Variants in MLLT1 observed in about 807,000 individuals in gnomAD.
MLLT1 encodes protein ENL.
Under a neutral mutation model 55.1 loss-of-function variants are expected in MLLT1, and 11 were observed. The ratio of observed to expected loss-of-function variants is 0.20; its 90% CI spans 0.13 to 0.33. The LOEUF (loss-of-function observed/expected upper bound fraction) is 0.33, where lower values mean the gene tolerates loss of function less well. Ranked by LOEUF, MLLT1 falls within the 10% of genes least tolerant of loss-of-function variation. The pLI is 1.00. For synonymous variants in MLLT1, 323 were observed against 320.1 expected, an observed-to-expected ratio of 1.01 and a Z score of -0.10; for missense variants, 536 against 760.6, an observed-to-expected ratio of 0.70 and a Z score of 3.47.
chr19:6,277,635 T>C (rs2091434334), intron 1 of MLLT1, among the ~76,000 whole-genome samples: 1 of 152,024 alleles, frequency 6.6e-6, no homozygotes, highest in Non-Finnish European at 1.5e-5. Context: ...ATTTCCACCA[T>C]CCCACTTACA....
In MLLT1 at chr19:6,235,174, G is replaced by A. The variant is rs187262187; in HGVS notation, c.277-4461C>T. ...CCACCTTTGGGTGGGTGACGGCTAC[G>A]AGGGGGTTTGTTGCATCTGCCTCTG... On this transcript the variant is annotated intron_variant, in intron 3 of 11. Transcript: ENST00000252674. This position sits in a 1 kb window ranked among gnomAD's most constrained non-coding sequence, Gnocchi z 5.5. Among the ~76,000 whole-genome samples, 8 of 152,338 alleles carry A rather than the reference G, an allele frequency of 5.3e-5. 1 individual carries two copies. In the East Asian group the frequency reaches 1.2e-3, roughly 22 times the overall value.
intron 6 of MLLT1, among the ~76,000 whole-genome samples, chr19:6,221,111 T>C (rs1422178516): frequency 2.0e-5 from 3 of 152,198 alleles, no homozygotes; most frequent in African/African-American, 7.2e-5. Flanking sequence ...TCGGGCTTTG[T>C]GGCTGGGACC....
At chr19:6,215,924 G>A (rs1412556099) in intron 8 of MLLT1, among the ~76,000 whole-genome samples, 1 of 152,048 alleles carries the variant, frequency 6.6e-6, no homozygotes, top group Admixed American at 6.5e-5. Context: ...GTGCCTCCTG[G>A]GGAAAAGGCC....
rs2090809014 is a variant in MLLT1 at position 6,213,920 on chromosome 19, C to T, written c.1407+19G>A. On this transcript the variant is annotated intron_variant, in intron 9 of 11. Coordinates refer to ENST00000252674, the MANE Select transcript of MLLT1 (RefSeq NM_005934.4). Reference sequence around the variant, plus strand: ...GCCCGGCCTCTGGTGCACCCCCTGCCTGCAGGCCCCAGGCTCACCTTGCTG... The same window carrying T: ...GCCCGGCCTCTGGTGCACCCCCTGCTTGCAGGCCCCAGGCTCACCTTGCTG... 1.4e-6 allele frequency: 2 copies of T among 1,471,444 alleles called. No individual in the cohort carries two copies. Among genetic ancestry groups the T allele is most frequent in the Non-Finnish European group, 1.8e-6 (2 of 1,097,528 alleles). The allele number at this position is 1,471,444 out of a possible 1,614,324, so 91.1% of individuals were successfully genotyped here.
In MLLT1 at chr19:6,212,899, A is replaced by C. The variant is rs1003683380; in HGVS notation, c.*143T>G. ...GAGAGTGGGCAGGGAGCCGCCGAGG[A>C]AAGTGCAGCGGGCTGTGCGGGCGAG... On this transcript the variant is annotated 3_prime_UTR_variant, in exon 12 of 12. Transcript: ENST00000252674. 8.7e-6 allele frequency: 10 copies of C among 1,147,716 alleles called. No individual in the cohort carries two copies. Among genetic ancestry groups the C allele is most frequent in the Middle Eastern group, 3.0e-4 (1 of 3,356 alleles). The allele number at this position is 1,147,716 out of a possible 1,614,324, so 71.1% of individuals were successfully genotyped here. A position where few individuals can be genotyped will look rare whatever the true frequency, so the allele number is the denominator to read the frequency against.
At chr19:6,261,469 C>T (rs886624503) in intron 3 of MLLT1, among the ~76,000 whole-genome samples, 12 of 152,078 alleles carry the variant, frequency 7.9e-5, no homozygotes, top group African/African-American at 2.9e-4. Context: ...CATCCACAGG[C>T]CTCCCAGGGA....
intron 3 of MLLT1, among the ~76,000 whole-genome samples, chr19:6,233,812 G>A (rs2091034839): frequency 6.6e-6 from 1 of 152,138 alleles, no homozygotes; most frequent in South Asian, 2.1e-4. Context: ...CCCCCGCCAA[G>A]TCCACACTTC....
At chr19:6,233,795 G>A (rs2091034444) in intron 3 of MLLT1, among the ~76,000 whole-genome samples, 1 of 152,090 alleles carries the variant, frequency 6.6e-6, no homozygotes, top group Admixed American at 6.5e-5. Context: ...ATCCCTAACC[G>A]ACACGCCCCC....
rs2090953143 is a variant in MLLT1, at chr19:6,226,009, C to T, written c.546+968G>A. Among the ~76,000 whole-genome samples the T allele has an allele frequency of 6.6e-6, 1 of 152,202 alleles. No homozygotes were observed. ...TACTCAGAGAATCTGGCAAGTCTGA[C>T]GATTTCTAAGACCTGCTGGCCTTGG... On this transcript the variant is annotated intron_variant, in intron 5 of 11. Transcript: ENST00000252674. This position sits in a 1 kb window ranked among gnomAD's most constrained non-coding sequence, Gnocchi z 6.3.
intron 3 of MLLT1, among the ~76,000 whole-genome samples, chr19:6,242,745 G>A (rs2091127531): frequency 6.6e-6 from 1 of 152,138 alleles, no homozygotes; most frequent in Admixed American, 6.5e-5. Flanking sequence ...CCCTTTCCTG[G>A]TGCTGTTGGT....
intron 2 of MLLT1, among the ~76,000 whole-genome samples, chr19:6,267,177 C>T (rs984998001): frequency 3.9e-5 from 6 of 152,134 alleles, no homozygotes; most frequent in African/African-American, 1.4e-4. Flanking sequence ...TCTCGGCTCA[C>T]TGCAACCTCT....
chr19:6,263,653 A>C (rs993048198), intron 2 of MLLT1, among the ~76,000 whole-genome samples: 4 of 152,042 alleles, frequency 2.6e-5, no homozygotes, highest in African/African-American at 9.7e-5. Flanking sequence ...GCACCGGCCC[A>C]CTCTCCTGCC....
Position 6,227,151 on chromosome 19 carries a change from G to T in MLLT1, c.421-49C>A. 1 of 1,553,094 alleles carries T rather than the reference G, an allele frequency of 6.4e-7. No individual in the cohort carries two copies. The highest frequency in any genetic ancestry group is 8.7e-7 in the Non-Finnish European group (1 of 1,153,174). On this transcript the variant is annotated intron_variant, in intron 4 of 11. Transcript: ENST00000252674. This position sits in a 1 kb window ranked among gnomAD's most constrained non-coding sequence, Gnocchi z 5.1. ...ATTATCGATGGGCAGGGGGCAGGGG[G>T]CCCACACGGGCCGGGCTGAAGGTGG...
At position 6,222,342 on chromosome 19, in the gene MLLT1, C is replaced by A; in HGVS notation, c.889G>T (p.Ala297Ser). Residue 297 changes from alanine (A) to serine (S), a missense_variant, in exon 6 of 12, where the codon GCC (alanine) becomes TCC (serine). Ala to Ser is a moderately conservative substitution (Grantham distance 99, BLOSUM62 1). Transcript: ENST00000252674. This position sits in a 1 kb window ranked among gnomAD's most constrained non-coding sequence, Gnocchi z 4.1. ...GAGCTGCTCTTCTTCTGCTTCTTGGCGCTGGGCTTTGGCGAGTCGGCGGTG... is the reference window on the plus strand; with the variant it reads ...GAGCTGCTCTTCTTCTGCTTCTTGGAGCTGGGCTTTGGCGAGTCGGCGGTG... Reference protein sequence around the residue: ...PATADSPKPSAKKQKKSSSKG... With the variant: ...PATADSPKPSSKKQKKSSSKG... 2 of 1,527,120 alleles carry A rather than the reference C, an allele frequency of 1.3e-6. No individual in the cohort carries two copies. The highest frequency in any genetic ancestry group is 1.8e-6 in the Non-Finnish European group (2 of 1,136,570). 94.6% of individuals were successfully genotyped at this position (1,527,120 alleles called of 1,614,324 possible).
chr19:6,225,663 A>G (rs368721028), intron 5 of MLLT1, among the ~76,000 whole-genome samples: 195 of 152,248 alleles, frequency 1.3e-3, no homozygotes, highest in African/African-American at 4.4e-3. Flanking sequence ...TGGAGCCCAC[A>G]GGCCTCCTAA....
intron 6 of MLLT1, among the ~76,000 whole-genome samples, chr19:6,220,621 G>A (rs976052395): frequency 2.6e-5 from 4 of 152,226 alleles, no homozygotes; most frequent in African/African-American, 7.2e-5. Context: ...GGAGTGGAGC[G>A]GGCCGTGGAG....
intron 3 of MLLT1, among the ~76,000 whole-genome samples, chr19:6,248,811 G>A (rs1342524378): frequency 6.6e-6 from 1 of 152,168 alleles, no homozygotes; most frequent in African/African-American, 2.4e-5. Flanking sequence ...TTGATCACTG[G>A]ACCATGGTTA....
rs1279208900 is a variant in MLLT1, at chr19:6,213,768, G to A, written c.1437C>T (p.Cys479=). 1 of 1,611,660 alleles carries A rather than the reference G, an allele frequency of 6.2e-7. No individual in the cohort carries two copies. Residue 479 remains cysteine, a synonymous_variant, in exon 10 of 12, where the codon TGC becomes TGT. Coordinates refer to ENST00000252674, the MANE Select transcript of MLLT1 (RefSeq NM_005934.4). ...KVSGRRSPES[C]SKPEKILKKG... The stretch of plus-strand genomic sequence containing the variant: ...TCTTGAGGATCTTCTCAGGCTTGCT[G>A]CAGGACTCGGGGCTCCTCCGGCCTG...
rs1425897685 is a variant in MLLT1, at chr19:6,273,842, G to A, written c.13-3083C>T. Among the ~76,000 whole-genome samples the A allele has an allele frequency of 4.6e-5, 7 of 152,310 alleles. No individual in the cohort carries two copies. Among genetic ancestry groups the A allele is most frequent in the Middle Eastern group, 3.4e-3 (1 of 294 alleles). On this transcript the variant is annotated intron_variant, in intron 1 of 11. Coordinates refer to ENST00000252674, the MANE Select transcript of MLLT1 (RefSeq NM_005934.4). This position sits in a 1 kb window ranked among gnomAD's most constrained non-coding sequence, Gnocchi z 4.3. ...CCACTCAGACCTCGGCCGACTTCCC[G>A]GCATTTCTGATGACAGGGAGTTCCT...
Sources: gnomAD v4.1 joint callset for allele counts (sites outside exome capture counted in the v4.1 genomes callset) on GRCh38, gnomAD v4.1.1 for gene constraint, Gnocchi (gnomAD v3.1) non-coding constraint, MANE v1.5 for transcripts, NCBI Gene and HGNC (gene_info 2026-07-23, HGNC 2026-07-21) for gene names.